Variants in ZNF264 observed in about 807,000 individuals in gnomAD.
The protein encoded by ZNF264 is zinc finger protein 264.
A neutral mutation model predicts 11.2 loss-of-function variants in ZNF264; 11 were observed. The ratio of observed to expected loss-of-function variants is 0.98; its 90% confidence interval spans 0.62 to 1.63. The LOEUF is 1.63. Ranked by LOEUF, ZNF264 falls within the 40% of genes most tolerant of loss-of-function variation. ZNF264 has a pLI of 0.00. For synonymous variants in ZNF264, 309 were observed against 279.8 expected, an observed-to-expected ratio of 1.10 and a Z score of -1.04; for missense variants, 752 against 768.1, an observed-to-expected ratio of 0.98 and a Z score of 0.25.
intron 3 of ZNF264, among the ~76,000 whole-genome samples, chr19:57,210,168 G>A (rs1446594323): frequency 9.9e-5 from 15 of 152,090 alleles, no homozygotes; most frequent in Non-Finnish European, 2.9e-5. Context: ...TTAGACTACA[G>A]TGTCCAGTGT....
In ZNF264 at chr19:57,218,894, A is replaced by G. The variant is rs1012622267; in HGVS notation, c.*5913A>G. Reference sequence around the variant, plus strand: ...AAAGACTCTCAGAGAATAGACAACTATATTCCAAAGTCATGGTTCTCTGGT... The same window carrying G: ...AAAGACTCTCAGAGAATAGACAACTGTATTCCAAAGTCATGGTTCTCTGGT... On this transcript the variant is annotated 3_prime_UTR_variant, in exon 4 of 4. Transcript: ENST00000263095. The G allele has an allele frequency of 6.6e-6, 1 of 152,164 alleles. No homozygotes were observed. Among genetic ancestry groups the G allele is most frequent in the African/African-American group, 2.4e-5 (1 of 41,430 alleles). 9.4% of individuals were successfully genotyped at this position (152,164 alleles called of 1,614,324 possible). A position where few individuals can be genotyped will look rare whatever the true frequency, so the allele number is the denominator to read the frequency against.
intron 2 of ZNF264, among the ~76,000 whole-genome samples, chr19:57,204,895 A>G (rs1320934317): frequency 1.3e-5 from 2 of 152,168 alleles, no homozygotes; most frequent in Non-Finnish European, 2.9e-5. Context: ...CCTGGGCCTT[A>G]CTGACTCAGC....
chr19:57,208,476 C>T (rs1012994561), intron 3 of ZNF264, among the ~76,000 whole-genome samples: 3 of 151,910 alleles, frequency 2.0e-5, no homozygotes, highest in Non-Finnish European at 2.9e-5. Flanking sequence ...CCCAGGAGGT[C>T]GAGGCTGAAG....
rs143747770 is a variant in ZNF264, at chr19:57,197,741, T to A, written c.160+3740T>A. ...ACTAGGCATTGTGCCTCTTTCTTGA[T>A]TGTAGGAGGGACCAAATGCAGCAAC... On this transcript the variant is annotated intron_variant, in intron 2 of 3. Coordinates refer to ENST00000263095, the MANE Select transcript of ZNF264 (RefSeq NM_003417.5). Among the ~76,000 whole-genome samples, 1,188 of 152,038 alleles carry A rather than the reference T, an allele frequency of 7.8e-3. 42 individuals are homozygous for A. The highest frequency in any genetic ancestry group is 0.027 in the African/African-American group (1,103 of 41,306).
rs982072846 is a variant in ZNF264, at chr19:57,221,344, T to A, written c.*8363T>A. 1.3e-5 allele frequency: 2 copies of A among 152,270 alleles called. No individual in the cohort carries two copies. Among genetic ancestry groups the A allele is most frequent in the African/African-American group, 4.8e-5 (2 of 41,444 alleles). 9.4% of individuals were successfully genotyped at this position (152,270 alleles called of 1,614,324 possible). ...GATTACAGGCGTGAGCCACCGCACC[T>A]GGCCTACCTGGGCTTTTTTGGACAG... On this transcript the variant is annotated 3_prime_UTR_variant, in exon 4 of 4. Coordinates refer to ENST00000263095, the MANE Select transcript of ZNF264 (RefSeq NM_003417.5).
chr19:57,205,605 C>G, intron 3 of ZNF264, 113 bp downstream of exon 3: 14 of 900,008 alleles, frequency 1.6e-5, no homozygotes, highest in Non-Finnish European at 2.0e-5. Context: ...CTCTATATAA[C>G]TCTTATATAA....
At position 57,213,164 on chromosome 19, in the gene ZNF264, G is replaced by A; in HGVS notation, c.*183G>A. On this transcript the variant is annotated 3_prime_UTR_variant, in exon 4 of 4. Coordinates refer to ENST00000263095, the MANE Select transcript of ZNF264 (RefSeq NM_003417.5). ...AGTTTACAGTGCAATTTTATCTCAG[G>A]AATTATTTTTAAAAGGAGGAGGGGA... 1.9e-6 allele frequency: 1 copy of A among 518,878 alleles called. No homozygotes were observed. The highest frequency in any genetic ancestry group is 3.1e-5 in the East Asian group (1 of 32,554). The allele number at this position is 518,878 out of a possible 1,614,324, so 32.1% of individuals were successfully genotyped here.
At chr19:57,201,523 A>G (rs1300062440) in intron 2 of ZNF264, among the ~76,000 whole-genome samples, 1 of 152,006 alleles carries the variant, frequency 6.6e-6, no homozygotes, top group Non-Finnish European at 1.5e-5. Flanking sequence ...CATCAGAGGA[A>G]GTCTCTACTC....
intron 3 of ZNF264, among the ~76,000 whole-genome samples, chr19:57,208,686 G>A (rs529800405): frequency 4.8e-4 from 73 of 152,218 alleles, no homozygotes; most frequent in South Asian, 8.3e-4. Context: ...TTGTGGAGGT[G>A]CATTTTTTGA....
chr19:57,211,789 A>G lies in ZNF264; in HGVS notation c.692A>G (p.Tyr231Cys), dbSNP rs763902596. Residue 231 changes from tyrosine to cysteine, a missense_variant, in exon 4 of 4, where the codon TAT becomes TGT. Tyr to Cys is a radical substitution (Grantham distance 194). Coordinates refer to ENST00000263095, the MANE Select transcript of ZNF264 (RefSeq NM_003417.5). Reference sequence around the variant, plus strand: ...AAAATTCACTCTGGAGTTAAGCCCTATGAATGCACAGAATGTGGGAAAACC... The same window carrying G: ...AAAATTCACTCTGGAGTTAAGCCCTGTGAATGCACAGAATGTGGGAAAACC... ...HEKIHSGVKP[Y>C]ECTECGKTFI... 45 of 1,614,106 alleles carry G rather than the reference A, an allele frequency of 2.8e-5. No homozygotes were observed. The highest frequency in any genetic ancestry group is 3.6e-5 in the Non-Finnish European group (42 of 1,180,044).
chr19:57,205,515 G>A (rs547234140), intron 3 of ZNF264, 23 bp downstream of exon 3: 16 of 1,589,564 alleles, frequency 1.0e-5, no homozygotes, highest in South Asian at 9.2e-5. Flanking sequence ...ATCTGGGCAG[G>A]TTGGAGTCCC....
In ZNF264 at chr19:57,217,342, T is replaced by C. The variant is rs1232182147; in HGVS notation, c.*4361T>C. ...TTTACTTCCATTAGGTTCCTTTAGC[T>C]TACCTACTAATGTAACTATCTTAAG... is the stretch of plus-strand genomic sequence containing the variant. On this transcript the variant is annotated 3_prime_UTR_variant, in exon 4 of 4. Transcript: ENST00000263095. The C allele has an allele frequency of 6.6e-6, 1 of 152,228 alleles. No homozygotes were observed. Among genetic ancestry groups the C allele is most frequent in the Non-Finnish European group, 1.5e-5 (1 of 68,032 alleles). The allele number at this position is 152,228 out of a possible 1,614,324, so 9.4% of individuals were successfully genotyped here.
At chr19:57,197,286 A>T (rs2087218930) in intron 2 of ZNF264, among the ~76,000 whole-genome samples, 1 of 151,502 alleles carries the variant, frequency 6.6e-6, no homozygotes, top group Non-Finnish European at 1.5e-5. Flanking sequence ...TGCGTGACCC[A>T]CTTGATGGCT....
At position 57,194,166 on chromosome 19, in the gene ZNF264, A is replaced by T. The variant is rs145619466; in HGVS notation, c.160+165A>T. 2.3e-3 allele frequency: 2,221 copies of T among 985,462 alleles called. 50 individuals carry two copies. In the African/African-American group the frequency reaches 0.034, roughly 15 times the overall value. The allele number at this position is 985,462 out of a possible 1,614,324, so 61.0% of individuals were successfully genotyped here. A position where few individuals can be genotyped will look rare whatever the true frequency, so the allele number is the denominator to read the frequency against. On this transcript the variant is annotated intron_variant, in intron 2 of 3. Coordinates refer to ENST00000263095, the MANE Select transcript of ZNF264 (RefSeq NM_003417.5). ...GTAACCTCTTCCTATCTGGTCTCCT[A>T]TATCTCTGGGCTAAAGACAGGGTAC...
rs550545033 is a variant in ZNF264 at position 57,191,842 on chromosome 19, C to T, written c.-72C>T. On this transcript the variant is annotated 5_prime_UTR_variant, in exon 1 of 4. Transcript: ENST00000263095. The stretch of plus-strand genomic sequence containing the variant: ...GAAGCCCCGGGCAACCGGCCAGGGT[C>T]GGGCACAGGTGGGGTCCGTCAGGCC... 5.6e-4 allele frequency: 673 copies of T among 1,205,224 alleles called. 1 individual carries two copies. In the African/African-American group the frequency reaches 9.5e-3, roughly 17 times the overall value. 74.7% of individuals were successfully genotyped at this position (1,205,224 alleles called of 1,614,324 possible).
intron 3 of ZNF264, among the ~76,000 whole-genome samples, chr19:57,207,545 CT>C (rs757880568): frequency 0.024 from 2,431 of 103,100 alleles, 52 homozygotes; most frequent in African/African-American, 0.076. Context: ...TTTTTCTTTT[CT>C]TTTTTTTTTT....
At chr19:57,192,560 G>A (rs2087182086) in intron 1 of ZNF264, 8 of 985,386 alleles carry the variant, frequency 8.1e-6, no homozygotes, top group Non-Finnish European at 7.2e-6. Flanking sequence ...AAGGAAAGAG[G>A]CCGATGGTTG....
intron 2 of ZNF264, among the ~76,000 whole-genome samples, chr19:57,199,192 G>A (rs935330258): frequency 6.6e-6 from 1 of 151,986 alleles, no homozygotes. Context: ...CTGCCACCTC[G>A]GGATCCAATT....
rs991863451 is a variant in ZNF264, at chr19:57,221,484, A to G, written c.*8503A>G. The G allele has an allele frequency of 3.3e-5, 5 of 152,354 alleles. No homozygotes were observed. The highest frequency in any genetic ancestry group is 1.2e-4 in the African/African-American group (5 of 41,588). 9.4% of individuals were successfully genotyped at this position (152,354 alleles called of 1,614,324 possible). On this transcript the variant is annotated 3_prime_UTR_variant, in exon 4 of 4. Coordinates refer to ENST00000263095, the MANE Select transcript of ZNF264 (RefSeq NM_003417.5). Reference sequence around the variant, plus strand: ...GTCTCAGCATTCTGTCATACTCAACAGCTATGATTTACTGCAGCAAAAAAA... The same window carrying G: ...GTCTCAGCATTCTGTCATACTCAACGGCTATGATTTACTGCAGCAAAAAAA...
Sources: allele counts gnomAD v4.1 joint callset (sites outside exome capture counted in the v4.1 genomes callset), GRCh38; gene constraint gnomAD v4.1.1; transcripts MANE v1.5; gene names NCBI Gene and HGNC (gene_info 2026-07-23, HGNC 2026-07-21).